TRIM44: variants seen among roughly 807,000 people sequenced by gnomAD.
TRIM44 encodes the protein tripartite motif-containing protein 44.
A neutral mutation model predicts 37.4 loss-of-function variants in TRIM44; 13 were observed. The ratio of observed to expected loss-of-function variants is 0.35; its 90% CI spans 0.23 to 0.55. The LOEUF (loss-of-function observed/expected upper bound fraction) is 0.55, where lower values mean the gene tolerates loss of function less well. TRIM44 is among the 20% of genes least tolerant of loss of function. The pLI, the probability that TRIM44 is intolerant of heterozygous loss-of-function variation, is 0.89. For missense variants in TRIM44, 426 were observed against 437.2 expected (o/e 0.97, Z 0.23); for synonymous variants, 175 against 157.2 (o/e 1.11, Z -0.85).
In TRIM44 at chr11:35,798,503, C is replaced by T. The variant is rs574806976; in HGVS notation, c.1008-7855C>T. On this transcript the variant is annotated intron_variant, in intron 4 of 4. Transcript: ENST00000299413. ...ATGGGAATCCTCTGTACTATCTTTG[C>T]AATTTTTTGGTAAATCTAAAGCTGT... is the stretch of plus-strand genomic sequence containing the variant. Among the ~76,000 whole-genome samples, 4 of 152,206 alleles carry T rather than the reference C, an allele frequency of 2.6e-5. No individual in the cohort carries two copies. In the East Asian group the frequency reaches 7.7e-4, roughly 29 times the overall value.
At chr11:35,718,162 G>C (rs1231063936) in intron 2 of TRIM44, among the ~76,000 whole-genome samples, 1 of 152,162 alleles carries the variant, frequency 6.6e-6, no homozygotes, top group East Asian at 1.9e-4. Flanking sequence ...TCTAGAAAGG[G>C]GGAGTCATAT....
At chr11:35,792,386 A>G (rs1025020756) in intron 4 of TRIM44, among the ~76,000 whole-genome samples, 8 of 152,236 alleles carry the variant, frequency 5.3e-5, no homozygotes, top group East Asian at 1.9e-4. Context: ...AGCTTTGCCA[A>G]AGTTACACAG....
intron 4 of TRIM44, among the ~76,000 whole-genome samples, chr11:35,793,863 G>A (rs551008018): frequency 9.9e-5 from 15 of 152,086 alleles, no homozygotes; most frequent in Non-Finnish European, 1.3e-4. Context: ...TATTTTCTTC[G>A]TCTGTAAAAT....
intron 1 of TRIM44, among the ~76,000 whole-genome samples, chr11:35,673,998 T>C (rs1479653671): frequency 6.6e-6 from 1 of 152,016 alleles, no homozygotes; most frequent in Non-Finnish European, 1.5e-5. Flanking sequence ...CAGCCGAGTT[T>C]CCTGTTCTTA....
At chr11:35,698,113 C>G (rs1851731078) in intron 2 of TRIM44, among the ~76,000 whole-genome samples, 1 of 151,868 alleles carries the variant, frequency 6.6e-6, no homozygotes, top group Non-Finnish European at 1.5e-5. Flanking sequence ...TCTCCAGCAC[C>G]TGTTGTTTCC....
In TRIM44 at chr11:35,810,642, G is replaced by A. The variant is rs1853517386; in HGVS notation, c.*4257G>A. ...GGCCAGAGCAGAAAAATGAAAATAA[G>A]TGGAGACACTTATGGATACATTGGT... On this transcript the variant is annotated 3_prime_UTR_variant, in exon 5 of 5. Transcript: ENST00000299413. 2 of 152,210 alleles carry A rather than the reference G, an allele frequency of 1.3e-5. No homozygotes were observed. The highest frequency in any genetic ancestry group is 2.9e-5 in the Non-Finnish European group (2 of 68,046). The allele number at this position is 152,210 out of a possible 1,614,324, so 9.4% of individuals were successfully genotyped here.
chr11:35,817,604 T>A lies in TRIM44; in HGVS notation c.*11219T>A, dbSNP rs1208207754. On this transcript the variant is annotated 3_prime_UTR_variant, in exon 5 of 5. Transcript: ENST00000299413. ...AGCTATACAAGGAAAGCTGAATCCA[T>A]ATGTAGACTTCATGGAGACTAGTAC... The A allele has an allele frequency of 6.6e-6, 1 of 152,202 alleles. No individual in the cohort carries two copies. Among genetic ancestry groups the A allele is most frequent in the African/African-American group, 2.4e-5 (1 of 41,434 alleles). 9.4% of individuals were successfully genotyped at this position (152,202 alleles called of 1,614,324 possible). A position where few individuals can be genotyped will look rare whatever the true frequency, so the allele number is the denominator to read the frequency against.
chr11:35,703,721 C>CT (rs1357187752), intron 2 of TRIM44, among the ~76,000 whole-genome samples: 1 of 152,172 alleles, frequency 6.6e-6, no homozygotes, highest in African/African-American at 2.4e-5. Context: ...AGAAGGAAAA[C>CT]TAACAAACAG....
intron 4 of TRIM44, among the ~76,000 whole-genome samples, chr11:35,805,855 A>G (rs1001805011): frequency 1.3e-5 from 2 of 152,186 alleles, no homozygotes; most frequent in Non-Finnish European, 2.9e-5. Context: ...ACGAGGTGGC[A>G]TATGTCCCTA....
chr11:35,716,194 T>C (rs1272841684), intron 2 of TRIM44, among the ~76,000 whole-genome samples: 1 of 152,026 alleles, frequency 6.6e-6, no homozygotes, highest in Non-Finnish European at 1.5e-5. Flanking sequence ...AGAGCTGGGA[T>C]TTGAGACCAA....
At chr11:35,723,525 G>T (rs1427395159) in intron 2 of TRIM44, among the ~76,000 whole-genome samples, 1 of 152,186 alleles carries the variant, frequency 6.6e-6, no homozygotes. Flanking sequence ...TTTGTAAAGC[G>T]GATTATTTTT....
intron 4 of TRIM44, among the ~76,000 whole-genome samples, chr11:35,802,495 A>C (rs540398255): frequency 6.6e-6 from 1 of 152,222 alleles, no homozygotes; most frequent in Non-Finnish European, 1.5e-5. Context: ...GTTTCTGAGA[A>C]GGTAAGTTTT....
intron 2 of TRIM44, among the ~76,000 whole-genome samples, chr11:35,707,612 A>C (rs968040379): frequency 6.8e-6 from 1 of 147,848 alleles, no homozygotes; most frequent in Non-Finnish European, 1.5e-5. Flanking sequence ...AACGCCGCAT[A>C]TCTACAACTA....
chr11:35,705,507 G>T (rs867592693), intron 2 of TRIM44, among the ~76,000 whole-genome samples: 31 of 152,138 alleles, frequency 2.0e-4, no homozygotes, highest in Middle Eastern at 3.4e-3. Flanking sequence ...ACCACATAGT[G>T]GGAAGTAAAG....
chr11:35,681,403 A>G lies in TRIM44; in HGVS notation c.670-3856A>G, dbSNP rs909777034. The stretch of plus-strand genomic sequence containing the variant: ...GGAGGTGGCTTCTGTGAAGCATCCT[A>G]TGCTTCTACAGATTAATCAAATTCT... On this transcript the variant is annotated intron_variant, in intron 1 of 4. Transcript: ENST00000299413. Among the ~76,000 whole-genome samples the G allele has an allele frequency of 4.6e-5, 7 of 152,302 alleles. No individual in the cohort carries two copies. The South Asian group carries it at 1.0e-3, about 23-fold the overall frequency.
At chr11:35,756,135 G>A (rs1341464665) in intron 4 of TRIM44, among the ~76,000 whole-genome samples, 1 of 152,216 alleles carries the variant, frequency 6.6e-6, no homozygotes, top group Non-Finnish European at 1.5e-5. Context: ...TCCTACGCAT[G>A]AGCATGGAAT....
At position 35,744,519 on chromosome 11, in the gene TRIM44, T is replaced by C. The variant is rs542467619; in HGVS notation, c.1007+9074T>C. On this transcript the variant is annotated intron_variant, in intron 4 of 4. Coordinates refer to ENST00000299413, the MANE Select transcript of TRIM44 (RefSeq NM_017583.6). ...AAATATTTAAAAACATTCACTGTTA[T>C]CTGAAATTTAAATTTAACTGGGCAC... 7.2e-5 allele frequency among the ~76,000 whole-genome samples: 11 copies of C among 152,290 alleles called. 1 individual carries two copies. The highest frequency in any genetic ancestry group is 2.6e-4 in the African/African-American group (11 of 41,576).
At chr11:35,763,963 A>C (rs945171568) in intron 4 of TRIM44, among the ~76,000 whole-genome samples, 2 of 152,214 alleles carry the variant, frequency 1.3e-5, no homozygotes. Context: ...CATATTTTGC[A>C]GTATGATAAC....
chr11:35,764,445 A>G (rs1047873437), intron 4 of TRIM44, among the ~76,000 whole-genome samples: 7 of 152,208 alleles, frequency 4.6e-5, no homozygotes, highest in African/African-American at 1.7e-4. Context: ...AACACCTGCT[A>G]TAGCCTCTGA....
Sources: allele counts gnomAD v4.1 joint callset (sites outside exome capture counted in the v4.1 genomes callset), GRCh38; gene constraint gnomAD v4.1.1; transcripts MANE v1.5; gene names NCBI Gene and HGNC (gene_info 2026-07-23, HGNC 2026-07-21).